The following MED12L variants were observed in gnomAD, a reference collection of about 807,000 sequenced individuals.
MED12L encodes the protein mediator of RNA polymerase II transcription subunit 12-like protein.
MED12L carries 60 observed loss-of-function variants against 281.3 expected under a neutral mutation model. That is an observed-to-expected ratio of 0.21 (90% CI 0.17 to 0.26). MED12L has a LOEUF of 0.26. Among genes scored for constraint, MED12L ranks in the 10% least tolerant of loss-of-function variants. The pLI is 1.00. For synonymous variants in MED12L, 974 were observed against 987.2 expected (o/e 0.99, Z 0.25); for missense variants, 2,146 against 2,680.9 (o/e 0.80, Z 4.41).
chr3:151,348,877 TC>T, intron 16 of MED12L, among the ~76,000 whole-genome samples: 1 of 152,186 alleles, frequency 6.6e-6, no homozygotes, highest in Non-Finnish European at 1.5e-5. Context: ...ACATTGGACT[TC>T]TCCTAGTCTG....
At chr3:151,247,557 A>G (rs1437972837) in intron 16 of MED12L, among the ~76,000 whole-genome samples, 2 of 147,528 alleles carry the variant, frequency 1.4e-5, no homozygotes, top group Non-Finnish European at 3.0e-5. Flanking sequence ...GTGGGAATTG[A>G]ACAATGAGAT....
intron 16 of MED12L, among the ~76,000 whole-genome samples, chr3:151,247,761 T>TA (rs71138490): frequency 0.4 from 56,939 of 143,878 alleles, 11,575 homozygotes; most frequent in Middle Eastern, 0.51. Context: ...TAATGTATAA[T>TA]AAAAAAAAAA....
At chr3:151,428,392 G>A (rs1719100063) in intron 43 of MED12L, among the ~76,000 whole-genome samples, 1 of 152,180 alleles carries the variant, frequency 6.6e-6, no homozygotes, top group Non-Finnish European at 1.5e-5. Flanking sequence ...GGAAAAAAAT[G>A]GCAAGCTGCT....
chr3:151,435,781 A>G lies in MED12L; in HGVS notation c.*2977A>G, dbSNP rs772016512. ...TAAATTCAGTGAATTACAAAAACAC[A>G]TTTTGTGTAGGATTGATCAGATTTT... On this transcript the variant is annotated 3_prime_UTR_variant, in exon 45 of 45. Transcript: ENST00000687756. 14 of 152,254 alleles carry G rather than the reference A, an allele frequency of 9.2e-5. No homozygotes were observed. The South Asian group carries it at 2.3e-3, about 25-fold the overall frequency. The allele number at this position is 152,254 out of a possible 1,614,324, so 9.4% of individuals were successfully genotyped here.
At chr3:151,300,169 G>T in intron 16 of MED12L, 1 of 1,042,506 alleles carries the variant, frequency 9.6e-7, no homozygotes, top group Non-Finnish European at 1.5e-6. Flanking sequence ...TGAGGCGTGG[G>T]TTCAGCATAG....
chr3:151,306,681 A>G (rs1746706555), intron 16 of MED12L, among the ~76,000 whole-genome samples: 2 of 152,138 alleles, frequency 1.3e-5, no homozygotes, highest in South Asian at 4.1e-4. Flanking sequence ...CGCCGGGGGA[A>G]ACTCTGTCAG....
chr3:151,375,861 A>C (rs1343785303), intron 27 of MED12L, among the ~76,000 whole-genome samples, 165 bp from the exon 28 acceptor site: 1 of 152,070 alleles, frequency 6.6e-6, no homozygotes, highest in Non-Finnish European at 1.5e-5. Context: ...AAATGCTAAA[A>C]ATTTTGTTTT....
chr3:151,183,821 GA>G (rs548444049), intron 11 of MED12L, among the ~76,000 whole-genome samples: 2 of 151,578 alleles, frequency 1.3e-5, no homozygotes, highest in African/African-American at 4.8e-5. Context: ...AGATGCAGGA[GA>G]AAAAAAAATC....
intron 39 of MED12L, among the ~76,000 whole-genome samples, chr3:151,396,797 G>A (rs571885296): frequency 2.6e-4 from 40 of 152,152 alleles, no homozygotes; most frequent in Non-Finnish European, 4.0e-4. Context: ...CCTAGCACTA[G>A]GGAAAAGCCC....
At chr3:151,347,054 G>C (rs566672646) in intron 16 of MED12L, among the ~76,000 whole-genome samples, 14 of 152,082 alleles carry the variant, frequency 9.2e-5, no homozygotes, top group African/African-American at 3.4e-4. Context: ...TTTACTCCTT[G>C]GGTTCAAAAG....
At chr3:151,119,035 CATT>C (rs1046003681) in intron 3 of MED12L, among the ~76,000 whole-genome samples, 9 of 152,164 alleles carry the variant, frequency 5.9e-5, no homozygotes, top group Non-Finnish European at 4.4e-5. Flanking sequence ...AAAATTGAAA[CATT>C]ATTTTGTATG....
At chr3:151,427,318 C>A (rs1718987603) in intron 43 of MED12L, among the ~76,000 whole-genome samples, 1 of 152,068 alleles carries the variant, frequency 6.6e-6, no homozygotes, top group Admixed American at 6.5e-5. Context: ...GTCTTGGGGA[C>A]CTCTCCCAGG....
intron 39 of MED12L, among the ~76,000 whole-genome samples, chr3:151,405,576 G>A (rs1022468510): frequency 6.6e-5 from 10 of 152,094 alleles, no homozygotes; most frequent in Non-Finnish European, 1.2e-4. Flanking sequence ...ATTTGAGGCC[G>A]CAGTGAAGTA....
intron 4 of MED12L, among the ~76,000 whole-genome samples, chr3:151,124,276 G>A (rs935103443): frequency 3.9e-5 from 6 of 152,210 alleles, no homozygotes; most frequent in Admixed American, 3.9e-4. Flanking sequence ...TCTTGTAGGA[G>A]GAAGTTGAAT....
At chr3:151,377,801 G>A (rs932492193) in intron 30 of MED12L, among the ~76,000 whole-genome samples, 5 of 152,178 alleles carry the variant, frequency 3.3e-5, no homozygotes, top group Non-Finnish European at 7.3e-5. Context: ...TTCCAGAACT[G>A]CATGTTTTAT....
intron 5 of MED12L, among the ~76,000 whole-genome samples, chr3:151,155,435 G>C (rs1719145841): frequency 6.6e-6 from 1 of 152,144 alleles, no homozygotes; most frequent in Non-Finnish European, 1.5e-5. Flanking sequence ...GTATCCCACT[G>C]TTTGTTGCTC....
At chr3:151,207,980 T>C (rs1280645267) in intron 16 of MED12L, among the ~76,000 whole-genome samples, 2 of 152,202 alleles carry the variant, frequency 1.3e-5, no homozygotes, top group Non-Finnish European at 2.9e-5. Context: ...TTCTTTTTCA[T>C]TTAGGTTTTA....
At chr3:151,355,080 T>C (rs1283704263) in intron 17 of MED12L, 41 bp from the exon 18 acceptor site, 1 of 1,463,814 alleles carries the variant, frequency 6.8e-7, no homozygotes, top group South Asian at 1.2e-5. Context: ...CGAGAGCTTC[T>C]ATTAAATGGA....
At chr3:151,305,232 A>G (rs1486891996) in intron 16 of MED12L, among the ~76,000 whole-genome samples, 2 of 152,204 alleles carry the variant, frequency 1.3e-5, no homozygotes, top group African/African-American at 2.4e-5. Context: ...CCGGGCGGGA[A>G]TCCTGCCCTG....
Sources: gnomAD v4.1 joint callset for allele counts (sites outside exome capture counted in the v4.1 genomes callset) on GRCh38, gnomAD v4.1.1 for gene constraint, MANE v1.5 for transcripts, NCBI Gene and HGNC (gene_info 2026-07-23, HGNC 2026-07-21) for gene names.